CCDC171: variants seen among roughly 807,000 people sequenced by gnomAD.
CCDC171 encodes the protein coiled-coil domain-containing protein 171.
Under a neutral mutation model 168.2 loss-of-function variants are expected in CCDC171, and 177 were observed. That is an observed-to-expected ratio of 1.05 (90% CI 0.93 to 1.19). The LOEUF (loss-of-function observed/expected upper bound fraction) is 1.19, where lower values mean the gene tolerates loss of function less well. Ranked by LOEUF, CCDC171 falls within the 50% of genes most tolerant of loss-of-function variation. The pLI is 0.00. For missense variants in CCDC171, 1,991 were observed against 1,539.0 expected (o/e 1.29, Z -4.91); for synonymous variants, 687 against 540.8 (o/e 1.27, Z -3.75).
rs140809144 is a variant in CCDC171, at chr9:15,990,889, A to G, written n.369-29700A>G. Among the ~76,000 whole-genome samples, 791 of 152,362 alleles carry G rather than the reference A, an allele frequency of 5.2e-3. 8 individuals carry two copies. The highest frequency in any genetic ancestry group is 0.019 in the African/African-American group (772 of 41,584). Reference sequence around the variant, plus strand: ...AAGAAGAGCTAGGTATCCTAAATATATATGCACCCAATACAGGAGCACCCA... The same window carrying G: ...AAGAAGAGCTAGGTATCCTAAATATGTATGCACCCAATACAGGAGCACCCA... On this transcript the variant is annotated intron_variant and non_coding_transcript_variant, in intron 3 of 9. Coordinates refer to the CCDC171 transcript ENST00000486641.
chr9:16,031,056 C>T (rs1290321307), intron 6 of CCDC171, among the ~76,000 whole-genome samples: 2 of 152,182 alleles, frequency 1.3e-5, no homozygotes, highest in African/African-American at 2.4e-5. Context: ...TTAGAGACCT[C>T]ACCTTAGGCA....
In CCDC171 at chr9:15,714,140, T is replaced by G. The variant is rs538458975; in HGVS notation, c.1319-7629T>G. On this transcript the variant is annotated intron_variant, in intron 11 of 25. Transcript: ENST00000380701. ...TTCTGCAGCGGCTGAGTTAGGTGAGTTGAATGCTGATGTGGTAGGAATCAC... is the reference window on the plus strand; with the variant it reads ...TTCTGCAGCGGCTGAGTTAGGTGAGGTGAATGCTGATGTGGTAGGAATCAC... 7.1e-4 allele frequency among the ~76,000 whole-genome samples: 108 copies of G among 152,258 alleles called. 3 individuals are homozygous for G. The highest frequency in any genetic ancestry group is 7.2e-4 in the Admixed American group (11 of 15,284).
At chr9:15,872,855 G>A (rs557253222) in intron 23 of CCDC171, among the ~76,000 whole-genome samples, 84 of 152,000 alleles carry the variant, frequency 5.5e-4, no homozygotes, top group African/African-American at 1.9e-3. Context: ...ACAAAAAAAA[G>A]CAAGAGAAGG....
In CCDC171 at chr9:15,598,019, A is replaced by G. The variant is rs571901347; in HGVS notation, c.675+3847A>G. 5.9e-5 allele frequency among the ~76,000 whole-genome samples: 9 copies of G among 151,956 alleles called. No homozygotes were observed. In the South Asian group the frequency reaches 1.9e-3, roughly 32 times the overall value. On this transcript the variant is annotated intron_variant, in intron 6 of 25. Transcript: ENST00000380701. Reference sequence around the variant, plus strand: ...CCCTTTATGATTTTTTATTGTGTCTATTTGATTCTTCTCTCTTTTCTTCTT... The same window carrying G: ...CCCTTTATGATTTTTTATTGTGTCTGTTTGATTCTTCTCTCTTTTCTTCTT...
chr9:15,895,270 A>T (rs899321367), intron 24 of CCDC171, among the ~76,000 whole-genome samples: 1 of 152,148 alleles, frequency 6.6e-6, no homozygotes, highest in Admixed American at 6.6e-5. Context: ...TATTTAGTAG[A>T]GTCAGAGAAT....
chr9:15,628,902 CT>C (rs1385753161), intron 7 of CCDC171, among the ~76,000 whole-genome samples: 1 of 152,200 alleles, frequency 6.6e-6, no homozygotes. Flanking sequence ...GCCACCGCTG[CT>C]GGTACCCAGG....
chr9:15,740,564 A>G (rs2054804841), intron 16 of CCDC171, among the ~76,000 whole-genome samples: 1 of 151,964 alleles, frequency 6.6e-6, no homozygotes, highest in Admixed American at 6.6e-5. Flanking sequence ...CTTCCCAAGT[A>G]GCTGGGATTA....
At chr9:15,638,233 C>G (rs576221880) in intron 7 of CCDC171, among the ~76,000 whole-genome samples, 100 of 152,110 alleles carry the variant, frequency 6.6e-4, no homozygotes, top group African/African-American at 2.3e-3. Context: ...CCTATGATTT[C>G]TCATATTTAG....
intron 6 of CCDC171, among the ~76,000 whole-genome samples, chr9:15,602,647 C>CTTTTTTTTTTT (rs1161286304): frequency 3.0e-4 from 9 of 30,466 alleles, no homozygotes; most frequent in African/African-American, 3.7e-4. Flanking sequence ...TTTTTTTTTT[C>CTTTTTTTTTTT]TTTTTTTTTT....
At chr9:15,719,961 A>G (rs2053364286) in intron 11 of CCDC171, among the ~76,000 whole-genome samples, 1 of 133,526 alleles carries the variant, frequency 7.5e-6, no homozygotes, top group Admixed American at 8.3e-5. Flanking sequence ...TGTCTTTCCA[A>G]CTCATAGTCA....
intron 9 of CCDC171, among the ~76,000 whole-genome samples, chr9:15,668,054 G>T (rs1587847290): frequency 1.3e-5 from 2 of 152,218 alleles, no homozygotes; most frequent in East Asian, 1.9e-4. Context: ...ATATAGTGCA[G>T]ATTTCTTTAC....
At chr9:15,943,033 T>G (rs1033102502) in intron 25 of CCDC171, among the ~76,000 whole-genome samples, 1 of 151,992 alleles carries the variant, frequency 6.6e-6, no homozygotes, top group African/African-American at 2.4e-5. Flanking sequence ...TGAGTTAAAC[T>G]GCTGGCTGTC....
At chr9:15,917,281 G>T (rs1259557619) in intron 24 of CCDC171, among the ~76,000 whole-genome samples, 6 of 151,788 alleles carry the variant, frequency 4.0e-5, no homozygotes, top group Non-Finnish European at 8.9e-5. Context: ...GGAGACTTTT[G>T]TTTAGAAGAG....
At chr9:15,558,945 T>C (rs1369942259) in intron 1 of CCDC171, among the ~76,000 whole-genome samples, 1 of 152,174 alleles carries the variant, frequency 6.6e-6, no homozygotes, top group African/African-American at 2.4e-5. Context: ...TTTGTTCTCA[T>C]TGGTTTCAAA....
At chr9:15,702,695 A>G (rs531639584) in intron 11 of CCDC171, among the ~76,000 whole-genome samples, 9 of 152,146 alleles carry the variant, frequency 5.9e-5, no homozygotes, top group South Asian at 2.1e-4. Context: ...TAGTGTAGCT[A>G]CCTGCATCGG....
intron 21 of CCDC171, among the ~76,000 whole-genome samples, chr9:15,794,804 C>G (rs918955118): frequency 1.3e-5 from 2 of 152,182 alleles, no homozygotes; most frequent in Admixed American, 1.3e-4. Context: ...CCTTGTATTC[C>G]TGAAGTAAAC....
intron 16 of CCDC171, among the ~76,000 whole-genome samples, chr9:15,730,345 G>C (rs1030903035): frequency 1.3e-5 from 2 of 151,862 alleles, no homozygotes; most frequent in African/African-American, 4.8e-5. Context: ...TATCTTGATT[G>C]AGAGTAGAAG....
At chr9:15,913,802 C>T (rs765291962) in intron 24 of CCDC171, among the ~76,000 whole-genome samples, 10 of 152,126 alleles carry the variant, frequency 6.6e-5, no homozygotes, top group South Asian at 2.1e-4. Flanking sequence ...TTTTTGCTGT[C>T]GGTGACCTTC....
chr9:15,983,846 G>GTGTGTGTGTGTT (rs1564100894), intron 3 of CCDC171, among the ~76,000 whole-genome samples: 42 of 151,656 alleles, frequency 2.8e-4, no homozygotes, highest in African/African-American at 1.0e-3. Flanking sequence ...GTGTGTGTGT[G>GTGTGTGTGTGTT]TGTGTGTGTG....
Sources: gnomAD v4.1 joint callset for allele counts (sites outside exome capture counted in the v4.1 genomes callset) on GRCh38, gnomAD v4.1.1 for gene constraint, MANE v1.5 for transcripts, NCBI Gene and HGNC (gene_info 2026-07-23, HGNC 2026-07-21) for gene names.